Variants in SHB observed in about 807,000 individuals in gnomAD.
SHB encodes the protein SH2 domain-containing adapter protein B.
Under a neutral mutation model 52.3 loss-of-function variants are expected in SHB, and 20 were observed. The observed-to-expected ratio is 0.38, with a 90% confidence interval of 0.27 to 0.56. SHB has a LOEUF of 0.56. Ranked by LOEUF, SHB falls within the 20% of genes least tolerant of loss-of-function variation. SHB has a pLI of 0.71. For synonymous variants in SHB, 397 were observed against 316.5 expected (o/e 1.25, Z -2.70); for missense variants, 825 against 723.3 (o/e 1.14, Z -1.61).
At chr9:38,004,805 C>T (rs1564099726) in intron 2 of SHB, among the ~76,000 whole-genome samples, 1 of 152,236 alleles carries the variant, frequency 6.6e-6, no homozygotes, top group Non-Finnish European at 1.5e-5. Flanking sequence ...AACACGGCCA[C>T]AGGCCAGCAA....
intron 1 of SHB, among the ~76,000 whole-genome samples, chr9:38,036,160 T>C (rs1227697031): frequency 6.6e-6 from 1 of 151,966 alleles, no homozygotes; most frequent in Admixed American, 6.6e-5. Context: ...GCCTTCTTGC[T>C]CAAGCCCTGC....
chr9:37,918,434 T>C lies in SHB; in HGVS notation c.*1387A>G, dbSNP rs10973610. Among the ~76,000 whole-genome samples the C allele has an allele frequency of 3.1e-4, 30 of 98,280 alleles. No individual in the cohort carries two copies. Among genetic ancestry groups the C allele is most frequent in the Non-Finnish European group, 4.4e-4 (20 of 45,826 alleles). 64.5% of individuals were successfully genotyped at this position (98,280 alleles called of 152,430 possible). A position where few individuals can be genotyped will look rare whatever the true frequency, so the allele number is the denominator to read the frequency against. ...GACCACTGAGGGCTGTGTGTGTGTG[T>C]GTGTGTGTGTGTAGGTGTTCTTGTG... On this transcript the variant is annotated 3_prime_UTR_variant, in exon 6 of 6. Transcript: ENST00000377707.
intron 5 of SHB, among the ~76,000 whole-genome samples, chr9:37,924,086 T>C (rs1175024966): frequency 6.6e-6 from 1 of 152,240 alleles, no homozygotes; most frequent in South Asian, 2.1e-4. Context: ...ATAGGACATC[T>C]TGCGAGGGCA....
chr9:37,982,629 A>G (rs913555019), intron 2 of SHB, among the ~76,000 whole-genome samples: 1 of 118,686 alleles, frequency 8.4e-6, no homozygotes, highest in African/African-American at 3.6e-5. Context: ...CGTCTCTACT[A>G]AAAACAGAAG....
chr9:37,998,873 C>G (rs1159963283), intron 2 of SHB, among the ~76,000 whole-genome samples: 2 of 152,208 alleles, frequency 1.3e-5, no homozygotes, highest in East Asian at 3.8e-4. Flanking sequence ...GAGGAAAGGC[C>G]CATTTTTCAT....
intron 2 of SHB, among the ~76,000 whole-genome samples, chr9:37,981,313 A>T (rs1440897330): frequency 6.6e-6 from 1 of 152,194 alleles, no homozygotes; most frequent in Non-Finnish European, 1.5e-5. Flanking sequence ...GCTTCACCAC[A>T]CACTTCCATG....
At chr9:38,052,150 G>C (rs1203755665) in intron 1 of SHB, among the ~76,000 whole-genome samples, 1 of 152,170 alleles carries the variant, frequency 6.6e-6, no homozygotes, top group Non-Finnish European at 1.5e-5. Context: ...AGATGGGAGA[G>C]CTCCATCTCA....
intron 1 of SHB, among the ~76,000 whole-genome samples, chr9:38,060,433 TGTGCTGGGATTACAGGAA>T (rs777062668): frequency 1.4e-3 from 211 of 152,226 alleles, no homozygotes; most frequent in Non-Finnish European, 5.9e-4. Flanking sequence ...GGCCTCCCAA[TGTGCTGGGATTACAGGAA>T]GTGCTGGGAT....
chr9:37,949,392 CAAA>C (rs771495216), intron 4 of SHB, among the ~76,000 whole-genome samples: 1 of 50,286 alleles, frequency 2.0e-5, no homozygotes, highest in Admixed American at 2.2e-4. Context: ...GACTCCATCT[CAAA>C]AAAAAAAAAA....
At chr9:38,011,536 T>C (rs1262595391) in intron 2 of SHB, among the ~76,000 whole-genome samples, 2 of 152,120 alleles carry the variant, frequency 1.3e-5, no homozygotes, top group Non-Finnish European at 2.9e-5. Context: ...GGGTGACTAG[T>C]GAGTCACTCT....
intron 2 of SHB, among the ~76,000 whole-genome samples, chr9:37,993,581 A>G (rs1820910118): frequency 6.6e-6 from 1 of 152,158 alleles, no homozygotes. Flanking sequence ...AAGAAATTAC[A>G]ATGAAGAAAT....
At chr9:37,990,384 G>C (rs1306601515) in intron 2 of SHB, among the ~76,000 whole-genome samples, 1 of 152,090 alleles carries the variant, frequency 6.6e-6, no homozygotes, top group Non-Finnish European at 1.5e-5. Flanking sequence ...CCCACCTCTG[G>C]GGGTCAAGTT....
chr9:37,984,891 TG>T (rs1472493131), intron 2 of SHB, among the ~76,000 whole-genome samples: 2 of 151,934 alleles, frequency 1.3e-5, no homozygotes, highest in African/African-American at 4.8e-5. Flanking sequence ...GTGAGTGGCA[TG>T]GAAGAGCAGG....
rs73437909 is a variant in SHB at position 37,974,917 on chromosome 9, A to T, written c.839-80T>A. On this transcript the variant is annotated intron_variant, in intron 2 of 5. Coordinates refer to ENST00000377707, the MANE Select transcript of SHB (RefSeq NM_003028.3). ...TGCATTCCCACCCAGAAACACCACAAACTCAGAGCTGCCAGCGGGGAGGTG... is the reference window on the plus strand; with the variant it reads ...TGCATTCCCACCCAGAAACACCACATACTCAGAGCTGCCAGCGGGGAGGTG... 5,802 of 1,206,292 alleles carry T rather than the reference A, an allele frequency of 4.8e-3. 190 individuals are homozygous for T. In the African/African-American group the frequency reaches 0.076, roughly 16 times the overall value. 74.7% of individuals were successfully genotyped at this position (1,206,292 alleles called of 1,614,324 possible). A position where few individuals can be genotyped will look rare whatever the true frequency, so the allele number is the denominator to read the frequency against.
intron 1 of SHB, among the ~76,000 whole-genome samples, chr9:38,057,430 T>C (rs180912456): frequency 3.9e-5 from 6 of 152,266 alleles, no homozygotes; most frequent in Admixed American, 6.5e-5. Flanking sequence ...TTATTTTCTA[T>C]ACCAAACTTG....
chr9:37,960,730 A>C (rs1832684483), intron 3 of SHB, among the ~76,000 whole-genome samples: 2 of 152,150 alleles, frequency 1.3e-5, no homozygotes, highest in South Asian at 4.1e-4. Context: ...TCAGTCCTAA[A>C]ATGTGGTCAC....
intron 5 of SHB, among the ~76,000 whole-genome samples, chr9:37,948,344 T>C (rs892849878): frequency 6.6e-6 from 1 of 152,212 alleles, no homozygotes; most frequent in Non-Finnish European, 1.5e-5. Context: ...TGAGGCATGC[T>C]AGGAACTTCG....
chr9:37,940,577 G>A (rs1375136667), intron 5 of SHB, among the ~76,000 whole-genome samples: 1 of 152,204 alleles, frequency 6.6e-6, no homozygotes, highest in Non-Finnish European at 1.5e-5. Flanking sequence ...AGAGCAAAGA[G>A]ACAGACCCCC....
intron 3 of SHB, among the ~76,000 whole-genome samples, chr9:37,970,450 C>T (rs943461948): frequency 1.3e-5 from 2 of 151,954 alleles, no homozygotes; most frequent in African/African-American, 2.4e-5. Flanking sequence ...GGAAGGAAGG[C>T]GCTGACTTCC....
Sources: allele counts gnomAD v4.1 joint callset (sites outside exome capture counted in the v4.1 genomes callset), GRCh38; gene constraint gnomAD v4.1.1; transcripts MANE v1.5; gene names NCBI Gene and HGNC (gene_info 2026-07-23, HGNC 2026-07-21).